Variants in BMPER observed in about 807,000 individuals in gnomAD.
BMPER encodes BMP binding endothelial regulator, also known as BMP-binding endothelial regulator protein.
Under a neutral mutation model 87.3 loss-of-function variants are expected in BMPER, and 45 were observed. The ratio of observed to expected loss-of-function variants is 0.52; its 90% CI spans 0.41 to 0.66. BMPER has a LOEUF of 0.66. BMPER is among the 30% of genes least tolerant of loss of function. The pLI, the probability that BMPER is intolerant of heterozygous loss-of-function variation, is 0.00. For missense variants in BMPER, 784 were observed against 867.5 expected, an observed-to-expected ratio of 0.90 and a Z score of 1.21; for synonymous variants, 326 against 316.2, an observed-to-expected ratio of 1.03 and a Z score of -0.33.
chr7:33,957,297 A>T lies in BMPER; in HGVS notation c.320-9182A>T, dbSNP rs891124000. Among the ~76,000 whole-genome samples the T allele has an allele frequency of 2.0e-5, 3 of 151,482 alleles. No homozygotes were observed. The Admixed American group carries it at 2.0e-4, about 10-fold the overall frequency. On this transcript the variant is annotated intron_variant, in intron 3 of 14. Transcript: ENST00000649409. ...ATAAAAAGGAACAAACAATTGATAC[A>T]TGCAACAACTTGGTTGGAGCTCAGA... is the stretch of plus-strand genomic sequence containing the variant.
intron 2 of BMPER, among the ~76,000 whole-genome samples, chr7:33,926,982 C>G (rs1037765447): frequency 6.6e-6 from 1 of 152,252 alleles, no homozygotes; most frequent in South Asian, 2.1e-4. Flanking sequence ...GGATCCAGCT[C>G]TAAAGCTGAT....
At chr7:33,911,813 G>T (rs1036504231) in intron 2 of BMPER, among the ~76,000 whole-genome samples, 1 of 152,044 alleles carries the variant, frequency 6.6e-6, no homozygotes, top group African/African-American at 2.4e-5. Flanking sequence ...TAAACACTCT[G>T]GAATGATTTT....
At chr7:34,036,272 G>T (rs1457590042) in intron 6 of BMPER, among the ~76,000 whole-genome samples, 1 of 152,188 alleles carries the variant, frequency 6.6e-6, no homozygotes, top group Non-Finnish European at 1.5e-5. Context: ...AAGGAAAAGG[G>T]CTCATTTTCT....
At chr7:34,134,889 G>GA (rs1242015761) in intron 13 of BMPER, among the ~76,000 whole-genome samples, 1 of 152,096 alleles carries the variant, frequency 6.6e-6, no homozygotes. Flanking sequence ...TGGCATCCAT[G>GA]AAAAATCCTA....
chr7:34,088,967 G>GT (rs1157948576), intron 13 of BMPER, among the ~76,000 whole-genome samples: 2 of 151,960 alleles, frequency 1.3e-5, no homozygotes, highest in Non-Finnish European at 2.9e-5. Flanking sequence ...AAAAACTATT[G>GT]TTTTTTGTCT....
intron 6 of BMPER, among the ~76,000 whole-genome samples, chr7:33,990,684 G>A (rs1479569850): frequency 1.4e-5 from 2 of 147,138 alleles, no homozygotes; most frequent in Non-Finnish European, 3.0e-5. Flanking sequence ...GGGCATCCCT[G>A]TCTTGTGCCA....
intron 13 of BMPER, among the ~76,000 whole-genome samples, chr7:34,107,298 A>G (rs919431179): frequency 6.6e-6 from 1 of 152,244 alleles, no homozygotes; most frequent in Non-Finnish European, 1.5e-5. Context: ...TACAGAAACT[A>G]TGGGTGTGGC....
chr7:34,012,471 T>A (rs1786908582), intron 6 of BMPER, among the ~76,000 whole-genome samples: 2 of 151,904 alleles, frequency 1.3e-5, no homozygotes, highest in African/African-American at 4.8e-5. Context: ...TAATTTTCCT[T>A]TATTTAAGCT....
At chr7:33,970,474 C>T (rs1785514998) in intron 5 of BMPER, 55 bp downstream of exon 5, 1 of 1,540,878 alleles carries the variant, frequency 6.5e-7, no homozygotes, top group Admixed American at 1.7e-5. Context: ...TTCAGGAATG[C>T]ATGAATCTCC....
At chr7:33,966,680 T>A in intron 4 of BMPER, 119 bp downstream of exon 4, 1 of 942,594 alleles carries the variant, frequency 1.1e-6, no homozygotes, top group Admixed American at 2.1e-5. Flanking sequence ...AAAAAAACAA[T>A]GAAAAAGCAA....
chr7:34,114,197 A>G (rs1362534574), intron 13 of BMPER, among the ~76,000 whole-genome samples: 1 of 152,148 alleles, frequency 6.6e-6, no homozygotes, highest in Admixed American at 6.5e-5. Flanking sequence ...CTGGGAGTTC[A>G]CCTCCATCCC....
chr7:33,975,190 G>T (rs534846975), intron 6 of BMPER, among the ~76,000 whole-genome samples: 23 of 152,204 alleles, frequency 1.5e-4, no homozygotes, highest in African/African-American at 5.5e-4. Context: ...TCCTTTTTTG[G>T]GGGAAAGCAT....
chr7:34,046,396 A>C lies in BMPER; in HGVS notation c.667A>C (p.Lys223Gln), dbSNP rs774368799. The C allele has an allele frequency of 1.2e-6, 2 of 1,613,670 alleles. No individual in the cohort carries two copies. Among genetic ancestry groups the C allele is most frequent in the Non-Finnish European group, 1.7e-6 (2 of 1,179,620 alleles). Residue 223 changes from lysine (K) to glutamine (Q), a missense_variant, in exon 7 of 15, where the codon AAA (lysine) becomes CAA (glutamine). Coordinates refer to ENST00000649409, the MANE Select transcript of BMPER (RefSeq NM_001365308.1). Reference sequence around the variant, plus strand: ...CATACCCCCAGGACAGTGCTGCCCCAAATGTTTGGGTGAGTTACTATTTTC... The same window carrying C: ...CATACCCCCAGGACAGTGCTGCCCCCAATGTTTGGGTGAGTTACTATTTTC... ...SHIPPGQCCP[K>Q]CLGQRKVFDL...
At chr7:34,098,945 T>C (rs1037508559) in intron 13 of BMPER, among the ~76,000 whole-genome samples, 2 of 152,234 alleles carry the variant, frequency 1.3e-5, no homozygotes, top group African/African-American at 4.8e-5. Context: ...AATGAGCCCA[T>C]TGCCTTTGAT....
intron 6 of BMPER, among the ~76,000 whole-genome samples, chr7:34,008,878 G>A (rs1786806589): frequency 6.6e-6 from 1 of 151,778 alleles, no homozygotes; most frequent in South Asian, 2.1e-4. Flanking sequence ...GTCTCACTCT[G>A]TTGCTGAGGC....
At chr7:33,963,469 T>C in intron 3 of BMPER, among the ~76,000 whole-genome samples, 1 of 152,162 alleles carries the variant, frequency 6.6e-6, no homozygotes, top group East Asian at 1.9e-4. Flanking sequence ...TATTATATTT[T>C]ATAAAAGTAT....
chr7:34,003,351 A>T (rs1786636246), intron 6 of BMPER, among the ~76,000 whole-genome samples: 1 of 151,904 alleles, frequency 6.6e-6, no homozygotes, highest in Non-Finnish European at 1.5e-5. Context: ...ATACAGAAAA[A>T]CTTTGTTCCA....
intron 14 of BMPER, among the ~76,000 whole-genome samples, chr7:34,143,651 C>T (rs1218089616): frequency 6.6e-6 from 1 of 152,228 alleles, no homozygotes; most frequent in Non-Finnish European, 1.5e-5. Flanking sequence ...ATATACTTAG[C>T]TCATGGGCGG....
intron 2 of BMPER, among the ~76,000 whole-genome samples, chr7:33,924,971 T>G (rs1033343468): frequency 1.3e-5 from 2 of 152,180 alleles, no homozygotes; most frequent in Non-Finnish European, 2.9e-5. Context: ...CTAAAGGATC[T>G]TTTTCTGATC....
Sources: gnomAD v4.1 joint callset for allele counts (sites outside exome capture counted in the v4.1 genomes callset) on GRCh38, gnomAD v4.1.1 for gene constraint, MANE v1.5 for transcripts, NCBI Gene and HGNC (gene_info 2026-07-23, HGNC 2026-07-21) for gene names.